Variants in PLPP3 observed in about 807,000 individuals in gnomAD.
PLPP3 encodes the protein PAP2 beta.
Under a neutral mutation model 29.6 loss-of-function variants are expected in PLPP3, and 6 were observed. The ratio of observed to expected loss-of-function variants is 0.20; its 90% CI spans 0.11 to 0.40. PLPP3 has a LOEUF of 0.40. Ranked by LOEUF, PLPP3 falls within the 10% of genes least tolerant of loss-of-function variation. PLPP3 has a pLI of 1.00. For synonymous variants in PLPP3, 152 were observed against 159.7 expected (o/e 0.95, Z 0.36); for missense variants, 308 against 407.7 (o/e 0.76, Z 2.11).
At chr1:56,531,467 A>T (rs953856) in intron 2 of PLPP3, among the ~76,000 whole-genome samples, 56,180 of 152,090 alleles carry the variant, frequency 0.37, 10,999 homozygotes, top group African/African-American at 0.51. Context: ...TAAGGGAGGT[A>T]TCACCCGGCA....
chr1:56,554,429 G>T (rs1175242122), intron 1 of PLPP3, among the ~76,000 whole-genome samples: 1 of 151,978 alleles, frequency 6.6e-6, no homozygotes, highest in African/African-American at 2.4e-5. Flanking sequence ...AAAATGAGCC[G>T]GGCGTGTTGG....
chr1:56,537,151 A>C, intron 1 of PLPP3, 39 bp from the exon 2 acceptor site: 1 of 1,587,422 alleles, frequency 6.3e-7, no homozygotes. Context: ...CAGAAAAAAA[A>C]AGAAAAAAAG....
chr1:56,536,807 G>C, intron 2 of PLPP3, 148 bp downstream of exon 2: 1 of 964,276 alleles, frequency 1.0e-6, no homozygotes, highest in Non-Finnish European at 1.5e-6. Context: ...GTGTTCTCAG[G>C]ATTAACTACC....
chr1:56,566,038 T>C lies in PLPP3; in HGVS notation c.139+12840A>G, dbSNP rs139659941. ...TCACAAACACAGCATGCTGATACTT[T>C]GACTAGTCTAGGCAGAGGCTGATGC... On this transcript the variant is annotated intron_variant, in intron 1 of 5. Transcript: ENST00000371250. Among the ~76,000 whole-genome samples, 727 of 152,370 alleles carry C rather than the reference T, an allele frequency of 4.8e-3. 3 individuals carry two copies. The highest frequency in any genetic ancestry group is 0.017 in the African/African-American group (689 of 41,580).
intron 1 of PLPP3, among the ~76,000 whole-genome samples, chr1:56,570,268 T>C (rs1646188843): frequency 6.6e-6 from 1 of 152,202 alleles, no homozygotes; most frequent in South Asian, 2.1e-4. Context: ...TTCGTGTCAA[T>C]GTAATAGTGT....
intron 1 of PLPP3, among the ~76,000 whole-genome samples, chr1:56,571,287 C>T (rs17114119): frequency 0.016 from 2,490 of 152,298 alleles, 66 homozygotes; most frequent in East Asian, 0.1. Flanking sequence ...TCTCTATGCA[C>T]CAGGCACTGT....
chr1:56,565,441 T>C (rs1398510728), intron 1 of PLPP3, among the ~76,000 whole-genome samples: 2 of 151,910 alleles, frequency 1.3e-5, no homozygotes, highest in Admixed American at 1.3e-4. Context: ...TTTTAAATGA[T>C]ACAGAGTCTC....
chr1:56,537,167 G>A, intron 1 of PLPP3, 55 bp from the exon 2 acceptor site: 2 of 1,560,204 alleles, frequency 1.3e-6, no homozygotes, highest in South Asian at 1.2e-5. Flanking sequence ...AAAAGGAAGG[G>A]GAAAACATCA....
rs1299104218 is a variant in PLPP3 at position 56,556,993 on chromosome 1, A to G, written c.140-19881T>C. Among the ~76,000 whole-genome samples the G allele has an allele frequency of 4.9e-3, 37 of 7,548 alleles. 6 individuals carry two copies. Among genetic ancestry groups the G allele is most frequent in the East Asian group, 0.014 (6 of 424 alleles). 5.0% of individuals were successfully genotyped at this position (7,548 alleles called of 152,430 possible). A position where few individuals can be genotyped will look rare whatever the true frequency, so the allele number is the denominator to read the frequency against. On this transcript the variant is annotated intron_variant, in intron 1 of 5. Coordinates refer to ENST00000371250, the MANE Select transcript of PLPP3 (RefSeq NM_003713.5). ...AAGAAAGAAAGAAAGAAAGAAAGAA[A>G]GAAAGAAAGAAAGAAAGAGAGAGAG...
intron 4 of PLPP3, among the ~76,000 whole-genome samples, chr1:56,515,684 G>A (rs912918574): frequency 8.5e-5 from 13 of 152,146 alleles, no homozygotes; most frequent in Non-Finnish European, 1.3e-4. Context: ...ATATCCATCA[G>A]TTAACTAACA....
intron 1 of PLPP3, among the ~76,000 whole-genome samples, chr1:56,568,472 G>A (rs6675286): frequency 0.8 from 121,204 of 152,058 alleles, 49,572 homozygotes; most frequent in Non-Finnish European, 0.9. Context: ...TCACAGCCTC[G>A]TCTTCATAAT....
Position 56,496,621 on chromosome 1 carries a change from G to A in PLPP3, c.866C>T (p.Pro289Leu). The change falls in exon 6 of 6, where the codon CCT becomes CTT. Residue 289 changes from proline to leucine, a missense_variant. Pro to Leu is a moderately conservative substitution (Grantham distance 98). This residue lies in a region of PLPP3 where 232 missense variants were observed against 317.2 expected (regional missense o/e 0.73). Transcript: ENST00000371250. ...TGAAAGGATTTCCTTCCGGATAGCA[G>A]GGGCAGGCAGGGAGAGCGTCGTCTT... The part of the protein sequence containing the change: ...KTKTTLSLPA[P>L]AIRKEILSPV... 1.9e-6 allele frequency: 3 copies of A among 1,613,918 alleles called. No individual in the cohort carries two copies. Among genetic ancestry groups the A allele is most frequent in the Non-Finnish European group, 2.5e-6 (3 of 1,179,852 alleles).
At position 56,524,798 on chromosome 1, in the gene PLPP3, A is replaced by ATATGTG. The variant is rs1197647523; in HGVS notation, c.298-250_298-245dup. Among the ~76,000 whole-genome samples the ATATGTG allele has an allele frequency of 7.3e-6, 1 of 137,134 alleles. No homozygotes were observed. The highest frequency in any genetic ancestry group is 2.8e-5 in the African/African-American group (1 of 35,382). The allele number at this position is 137,134 out of a possible 152,430, so 90.0% of individuals were successfully genotyped here. A position where few individuals can be genotyped will look rare whatever the true frequency, so the allele number is the denominator to read the frequency against. On this transcript the variant is annotated intron_variant, in intron 2 of 5. Coordinates refer to ENST00000371250, the MANE Select transcript of PLPP3 (RefSeq NM_003713.5). This position sits in a 1 kb window ranked among gnomAD's most constrained non-coding sequence, Gnocchi z 4.3. ...TACAACCAAATATATTTATATGTAT[A>ATATGTG]TATGTGTATGTGTGTGTGTGTGTGT... is the stretch of plus-strand genomic sequence containing the variant.
rs144069558 is a variant in PLPP3, at chr1:56,559,618, C to T, written c.139+19260G>A. ...TGCTTTGGCATTTTATGTTAAGGTA[C>T]AAATGACTGTAGATTACTGACACAT... On this transcript the variant is annotated intron_variant, in intron 1 of 5. Coordinates refer to ENST00000371250, the MANE Select transcript of PLPP3 (RefSeq NM_003713.5). Among the ~76,000 whole-genome samples the T allele has an allele frequency of 7.9e-4, 118 of 149,566 alleles. 1 individual carries two copies. In the East Asian group the frequency reaches 0.02, roughly 25 times the overall value.
At chr1:56,520,468 T>C (rs560610781) in intron 4 of PLPP3, among the ~76,000 whole-genome samples, 1 of 152,106 alleles carries the variant, frequency 6.6e-6, no homozygotes, top group Non-Finnish European at 1.5e-5. Flanking sequence ...CAGCTCAACA[T>C]AAAAGCCCTG....
At chr1:56,553,445 T>C (rs949186845) in intron 1 of PLPP3, among the ~76,000 whole-genome samples, 1 of 152,218 alleles carries the variant, frequency 6.6e-6, no homozygotes, top group African/African-American at 2.4e-5. Context: ...AAAAGCCTTC[T>C]GCACTTGGAG....
chr1:56,555,491 A>T (rs1260932645), intron 1 of PLPP3, among the ~76,000 whole-genome samples: 1 of 149,910 alleles, frequency 6.7e-6, no homozygotes, highest in Admixed American at 6.7e-5. Context: ...AAAAACACCC[A>T]AAAACTCAAG....
At chr1:56,530,295 T>C (rs1645878909) in intron 2 of PLPP3, among the ~76,000 whole-genome samples, 1 of 152,096 alleles carries the variant, frequency 6.6e-6, no homozygotes, top group Non-Finnish European at 1.5e-5. Flanking sequence ...GCTGCTTCAA[T>C]AGCTTCAATT....
At chr1:56,508,331 G>A (rs1645717594) in intron 5 of PLPP3, among the ~76,000 whole-genome samples, 1 of 152,188 alleles carries the variant, frequency 6.6e-6, no homozygotes, top group African/African-American at 2.4e-5. Flanking sequence ...GCTGTCTGGG[G>A]TCAACTCCAG....
Sources: gnomAD v4.1 joint callset for allele counts (sites outside exome capture counted in the v4.1 genomes callset) on GRCh38, gnomAD v4.1.1 for gene constraint, gnomAD v4.1.1 regional missense constraint, Gnocchi (gnomAD v3.1) non-coding constraint, MANE v1.5 for transcripts, NCBI Gene and HGNC (gene_info 2026-07-23, HGNC 2026-07-21) for gene names.